Variants in KITLG observed in about 807,000 individuals in gnomAD.
The protein encoded by KITLG is KIT ligand.
In KITLG, 13 loss-of-function variants were observed where a neutral mutation model predicts 34.1. That is an observed-to-expected ratio of 0.38 (90% CI 0.25 to 0.61). The LOEUF (loss-of-function observed/expected upper bound fraction) is 0.61. KITLG is among the 20% of genes least tolerant of loss of function. The pLI, the probability that KITLG is intolerant of heterozygous loss-of-function variation, is 0.60. For missense variants in KITLG, 292 were observed against 318.9 expected (o/e 0.92, Z 0.64); for synonymous variants, 110 against 104.0 (o/e 1.06, Z -0.35).
intron 2 of KITLG, among the ~76,000 whole-genome samples, chr12:88,535,879 T>G (rs547837132): frequency 6.6e-6 from 1 of 152,160 alleles, no homozygotes; most frequent in African/African-American, 2.4e-5. Context: ...CCCCTACTAT[T>G]CAACACATAC....
At chr12:88,509,960 A>G (rs1030363961) in intron 6 of KITLG, among the ~76,000 whole-genome samples, 1 of 152,146 alleles carries the variant, frequency 6.6e-6, no homozygotes, top group Non-Finnish European at 1.5e-5. Context: ...CAAAGTTTTG[A>G]TTTTATGCAA....
intron 1 of KITLG, among the ~76,000 whole-genome samples, chr12:88,576,841 A>G (rs1871845691): frequency 6.6e-6 from 1 of 152,096 alleles, no homozygotes; most frequent in Admixed American, 6.5e-5. Flanking sequence ...TTTGAGTGAG[A>G]AATTTTTATG....
intron 2 of KITLG, among the ~76,000 whole-genome samples, 164 bp from the exon 3 acceptor site, chr12:88,532,667 T>C (rs1384296639): frequency 1.3e-5 from 2 of 152,158 alleles, no homozygotes; most frequent in East Asian, 3.8e-4. Flanking sequence ...GATTTCCCTC[T>C]GTAATCAAAA....
intron 2 of KITLG, chr12:88,534,578 T>C: frequency 2.4e-6 from 1 of 419,090 alleles, no homozygotes; most frequent in Admixed American, 3.5e-5. Context: ...TGTTGGCCAG[T>C]CTGGTCTCAA....
At chr12:88,557,221 G>T (rs1871124019) in intron 1 of KITLG, among the ~76,000 whole-genome samples, 1 of 152,082 alleles carries the variant, frequency 6.6e-6, no homozygotes, top group Non-Finnish European at 1.5e-5. Context: ...AGAGCCAGGT[G>T]AGCTCAGAAG....
chr12:88,560,792 A>AC (rs1412713543), intron 1 of KITLG, among the ~76,000 whole-genome samples: 2 of 151,898 alleles, frequency 1.3e-5, no homozygotes, highest in Non-Finnish European at 2.9e-5. Context: ...ACACAGTGAA[A>AC]CCCCGTCTCT....
At chr12:88,572,780 T>C (rs1871698651) in intron 1 of KITLG, among the ~76,000 whole-genome samples, 1 of 152,018 alleles carries the variant, frequency 6.6e-6, no homozygotes, top group Non-Finnish European at 1.5e-5. Context: ...TCCCCTCATT[T>C]TGTTTAGTTC....
chr12:88,538,294 G>A (rs1870401631), intron 2 of KITLG, among the ~76,000 whole-genome samples: 2 of 151,870 alleles, frequency 1.3e-5, no homozygotes, highest in Admixed American at 6.6e-5. Flanking sequence ...AGCTAGGGAG[G>A]TCAAATGGTA....
chr12:88,546,859 C>T (rs1036754279), intron 1 of KITLG, among the ~76,000 whole-genome samples: 1 of 152,184 alleles, frequency 6.6e-6, no homozygotes. Flanking sequence ...ATAACACTCA[C>T]ATCTTGTGAT....
intron 1 of KITLG, among the ~76,000 whole-genome samples, chr12:88,548,645 T>C (rs1239421827): frequency 6.6e-6 from 1 of 152,128 alleles, no homozygotes; most frequent in Non-Finnish European, 1.5e-5. Context: ...GGATATGGCA[T>C]GAACTTCTAT....
chr12:88,545,776 A>G lies in KITLG; in HGVS notation c.105T>C (p.Asn35=), dbSNP rs945329962. ...CCAATTTAGTGACGTCTTTTACATT[A>G]TTAGTCACACGATTCCTGCAGATCC... ...TEGICRNRVT[N]NVKDVTKLVA... The change falls in exon 2 of 10, where the codon AAT becomes AAC. Residue 35 remains asparagine, a synonymous_variant. Transcript: ENST00000644744. 2 of 1,604,120 alleles carry G rather than the reference A, an allele frequency of 1.2e-6. No homozygotes were observed. Among genetic ancestry groups the G allele is most frequent in the Non-Finnish European group, 1.7e-6 (2 of 1,171,166 alleles).
At chr12:88,545,259 C>G (rs1002808871) in intron 2 of KITLG, among the ~76,000 whole-genome samples, 3 of 152,198 alleles carry the variant, frequency 2.0e-5, no homozygotes, top group African/African-American at 7.2e-5. Flanking sequence ...AATCACCTCT[C>G]TATGTTCCCT....
chr12:88,528,036 G>A (rs934149794), intron 3 of KITLG, among the ~76,000 whole-genome samples: 1 of 152,124 alleles, frequency 6.6e-6, no homozygotes, highest in Admixed American at 6.6e-5. Flanking sequence ...GCACAAATTT[G>A]TTATTTTACA....
chr12:88,502,633 C>A (rs1868905105), intron 9 of KITLG, among the ~76,000 whole-genome samples: 1 of 152,180 alleles, frequency 6.6e-6, no homozygotes, highest in East Asian at 1.9e-4. Flanking sequence ...ACTATGGTTG[C>A]TTTAAAATAC....
intron 2 of KITLG, among the ~76,000 whole-genome samples, chr12:88,544,299 A>T (rs1278116547): frequency 6.6e-6 from 1 of 152,130 alleles, no homozygotes; most frequent in East Asian, 1.9e-4. Flanking sequence ...TATTATCTCT[A>T]TTTAACAGAT....
At chr12:88,570,564 T>C (rs1342293778) in intron 1 of KITLG, among the ~76,000 whole-genome samples, 1 of 151,904 alleles carries the variant, frequency 6.6e-6, no homozygotes, top group Non-Finnish European at 1.5e-5. Flanking sequence ...AGTTCAACCC[T>C]TTCAGTTTGT....
intron 1 of KITLG, among the ~76,000 whole-genome samples, chr12:88,552,894 G>A: frequency 6.6e-6 from 1 of 152,136 alleles, no homozygotes; most frequent in Middle Eastern, 3.2e-3. Context: ...TAAAATGATA[G>A]TAAAAATAAT....
At chr12:88,560,967 C>CAAAAAAA (rs34851499) in intron 1 of KITLG, among the ~76,000 whole-genome samples, 105 of 58,058 alleles carry the variant, frequency 1.8e-3, no homozygotes, top group Non-Finnish European at 2.1e-3. Context: ...GACTCTGTCT[C>CAAAAAAA]AAAAAAAAAA....
At chr12:88,579,695 A>C (rs900109928) in intron 1 of KITLG, among the ~76,000 whole-genome samples, 1 of 152,004 alleles carries the variant, frequency 6.6e-6, no homozygotes, top group Admixed American at 6.5e-5. Flanking sequence ...GCCGAGAGCC[A>C]AGTTTCCCGG....
Sources: allele counts gnomAD v4.1 joint callset (sites outside exome capture counted in the v4.1 genomes callset), GRCh38; gene constraint gnomAD v4.1.1; transcripts MANE v1.5; gene names NCBI Gene and HGNC (gene_info 2026-07-23, HGNC 2026-07-21).